GRB14: variants seen among roughly 807,000 people sequenced by gnomAD.
GRB14 encodes growth factor receptor-bound protein 14.
GRB14 carries 38 observed loss-of-function variants against 69.1 expected under a neutral mutation model. That is an observed-to-expected ratio of 0.55 (90% confidence interval 0.42 to 0.72). GRB14 has a LOEUF of 0.72. Among genes scored for constraint, GRB14 ranks in the 30% least tolerant of loss-of-function variants. The pLI is 0.00. For missense variants in GRB14, 666 were observed against 666.1 expected (o/e 1.00, Z 0.00); for synonymous variants, 247 against 241.3 (o/e 1.02, Z -0.22).
chr2:164,615,175 G>A (rs1218142320), intron 2 of GRB14, among the ~76,000 whole-genome samples: 3 of 152,018 alleles, frequency 2.0e-5, no homozygotes, highest in Non-Finnish European at 4.4e-5. Context: ...TTAAAATGCA[G>A]GTGACATACT....
intron 9 of GRB14, among the ~76,000 whole-genome samples, chr2:164,501,007 A>G (rs912332889): frequency 6.6e-6 from 1 of 152,128 alleles, no homozygotes; most frequent in Non-Finnish European, 1.5e-5. Flanking sequence ...TGGACTCTAA[A>G]AGAAATTTGG....
At chr2:164,538,412 A>G (rs137881784) in intron 3 of GRB14, among the ~76,000 whole-genome samples, 136 of 152,268 alleles carry the variant, frequency 8.9e-4, no homozygotes, top group African/African-American at 3.1e-3. Context: ...ATTGATTATA[A>G]CAGCACAGAG....
At chr2:164,529,439 G>T (rs531885168) in intron 3 of GRB14, among the ~76,000 whole-genome samples, 1 of 152,086 alleles carries the variant, frequency 6.6e-6, no homozygotes, top group Admixed American at 6.6e-5. Flanking sequence ...ACTTAAAAAC[G>T]AAACAAAGTC....
chr2:164,560,636 T>C (rs1688799531), intron 2 of GRB14, among the ~76,000 whole-genome samples: 2 of 152,136 alleles, frequency 1.3e-5, no homozygotes, highest in South Asian at 2.1e-4. Context: ...ACCAGGAACC[T>C]TTCCTGGAAC....
intron 3 of GRB14, among the ~76,000 whole-genome samples, chr2:164,537,189 G>A (rs1381552121): frequency 2.0e-5 from 3 of 152,156 alleles, no homozygotes; most frequent in Admixed American, 2.0e-4. Flanking sequence ...ACTCTCCCTG[G>A]ACAGTGGCAC....
rs947157154 is a variant in GRB14, at chr2:164,494,649, A to G, written c.1383-125T>C. 8 of 693,160 alleles carry G rather than the reference A, an allele frequency of 1.2e-5. No homozygotes were observed. In the Admixed American group the frequency reaches 2.1e-4, roughly 18 times the overall value. 42.9% of individuals were successfully genotyped at this position (693,160 alleles called of 1,614,324 possible). A position where few individuals can be genotyped will look rare whatever the true frequency, so the allele number is the denominator to read the frequency against. ...TGGGGACTCCTTTACTATGTATTCA[A>G]TGGGTGGGATTATCCAACTTGGCAA... is the stretch of plus-strand genomic sequence containing the variant. On this transcript the variant is annotated intron_variant, in intron 12 of 13. Coordinates refer to ENST00000263915, the MANE Select transcript of GRB14 (RefSeq NM_004490.3).
intron 2 of GRB14, among the ~76,000 whole-genome samples, chr2:164,562,027 A>G (rs917858647): frequency 3.3e-5 from 5 of 152,224 alleles, no homozygotes; most frequent in Admixed American, 1.3e-4. Flanking sequence ...GTCAGTATCT[A>G]AAGAGCTCAA....
intron 6 of GRB14, among the ~76,000 whole-genome samples, chr2:164,515,032 A>G (rs1011218336): frequency 6.6e-6 from 1 of 152,080 alleles, no homozygotes; most frequent in African/African-American, 2.4e-5. Context: ...CAACACTTCC[A>G]TCCCCTACAG....
At chr2:164,583,928 C>G (rs1689473939) in intron 2 of GRB14, among the ~76,000 whole-genome samples, 3 of 151,548 alleles carry the variant, frequency 2.0e-5, no homozygotes, top group African/African-American at 7.3e-5. Context: ...ATTAGGTGAC[C>G]TCATATGCAC....
chr2:164,604,719 G>A (rs1310439029), intron 2 of GRB14, among the ~76,000 whole-genome samples: 3 of 152,134 alleles, frequency 2.0e-5, no homozygotes, highest in Admixed American at 2.0e-4. Context: ...CAACAACATG[G>A]ATAAACTTCC....
At chr2:164,616,743 A>G (rs1308954843) in intron 2 of GRB14, among the ~76,000 whole-genome samples, 1 of 152,200 alleles carries the variant, frequency 6.6e-6, no homozygotes, top group Non-Finnish European at 1.5e-5. Context: ...AACAAGTACA[A>G]TTATTTTCTT....
intron 2 of GRB14, among the ~76,000 whole-genome samples, chr2:164,583,934 T>C (rs1156623172): frequency 6.6e-6 from 1 of 152,024 alleles, no homozygotes; most frequent in Non-Finnish European, 1.5e-5. Context: ...TGACCTCATA[T>C]GCACTTAGGC....
Position 164,496,316 on chromosome 2 carries a change from T to C in GRB14, c.1382+692A>G, listed in dbSNP as rs369188257. Among the ~76,000 whole-genome samples, 49 of 152,318 alleles carry C rather than the reference T, an allele frequency of 3.2e-4. No homozygotes were observed. The East Asian group carries it at 4.1e-3, about 13-fold the overall frequency. ...TTTGTACTGCATTTGGAAAGGGAAT[T>C]CAGCCAGTATTATAGAAAGTATCTG... is the stretch of plus-strand genomic sequence containing the variant. On this transcript the variant is annotated intron_variant, in intron 12 of 13. Transcript: ENST00000263915.
At chr2:164,530,875 T>C (rs1323409715) in intron 3 of GRB14, among the ~76,000 whole-genome samples, 2 of 152,186 alleles carry the variant, frequency 1.3e-5, no homozygotes, top group Non-Finnish European at 2.9e-5. Context: ...CAAGTTTCAA[T>C]AGGATCACAC....
intron 2 of GRB14, among the ~76,000 whole-genome samples, chr2:164,574,807 G>C (rs1447146095): frequency 1.3e-5 from 2 of 151,886 alleles, no homozygotes; most frequent in African/African-American, 4.8e-5. Context: ...GGCCAGGTGT[G>C]GTGGTGAGCA....
intron 2 of GRB14, among the ~76,000 whole-genome samples, chr2:164,565,478 G>A (rs1029499252): frequency 5.3e-5 from 8 of 152,238 alleles, no homozygotes; most frequent in African/African-American, 1.7e-4. Flanking sequence ...GAGGTAACAC[G>A]TATCTAGGAG....
intron 2 of GRB14, among the ~76,000 whole-genome samples, chr2:164,611,846 A>G (rs1690173422): frequency 6.6e-6 from 1 of 152,058 alleles, no homozygotes. Flanking sequence ...TGGTCACTAT[A>G]TGGGAATACC....
chr2:164,589,053 G>A lies in GRB14; in HGVS notation c.324+30634C>T, dbSNP rs143073899. Among the ~76,000 whole-genome samples, 57 of 152,256 alleles carry A rather than the reference G, an allele frequency of 3.7e-4. 1 individual carries two copies. Among genetic ancestry groups the A allele is most frequent in the African/African-American group, 1.3e-3 (54 of 41,548 alleles). ...TATTAGTTGCAAGTAACTTTGATGAGGTAGGATTGTATTTTTTGTAGGTTG... is the reference window on the plus strand; with the variant it reads ...TATTAGTTGCAAGTAACTTTGATGAAGTAGGATTGTATTTTTTGTAGGTTG... On this transcript the variant is annotated intron_variant, in intron 2 of 13. Coordinates refer to ENST00000263915, the MANE Select transcript of GRB14 (RefSeq NM_004490.3).
intron 1 of GRB14, 167 bp from the exon 2 acceptor site, chr2:164,619,986 A>T (rs571283622): frequency 1.9e-6 from 1 of 527,488 alleles, no homozygotes; most frequent in African/African-American, 2.0e-5. Flanking sequence ...ATGGGTCAAA[A>T]TACAGTATGT....
Sources: gnomAD v4.1 joint callset for allele counts (sites outside exome capture counted in the v4.1 genomes callset) on GRCh38, gnomAD v4.1.1 for gene constraint, MANE v1.5 for transcripts, NCBI Gene and HGNC (gene_info 2026-07-23, HGNC 2026-07-21) for gene names.